The following ARHGEF17 variants were observed in gnomAD, a reference collection of about 807,000 sequenced individuals.
ARHGEF17 encodes the protein Rho guanine nucleotide exchange factor 17.
A neutral mutation model predicts 174.0 loss-of-function variants in ARHGEF17; 80 were observed. The observed-to-expected ratio is 0.46, with a 90% CI of 0.38 to 0.55. The LOEUF is 0.55. Among genes scored for constraint, ARHGEF17 ranks in the 20% least tolerant of loss-of-function variants. The pLI is 0.00. For missense variants in ARHGEF17, 2,886 were observed against 2,839.7 expected (o/e 1.02, Z -0.37); for synonymous variants, 1,311 against 1,189.1 (o/e 1.10, Z -2.11).
chr11:73,327,353 C>T (rs1591730374), intron 1 of ARHGEF17, among the ~76,000 whole-genome samples: 2 of 152,240 alleles, frequency 1.3e-5, no homozygotes, highest in East Asian at 3.8e-4. Context: ...AGGAATCGTC[C>T]TGACTCCTGT....
At position 73,347,654 on chromosome 11, in the gene ARHGEF17, G is replaced by A. The variant is rs563290919; in HGVS notation, c.3270+694G>A. 2.0e-5 allele frequency among the ~76,000 whole-genome samples: 3 copies of A among 152,338 alleles called. No homozygotes were observed. In the South Asian group the frequency reaches 6.2e-4, roughly 32 times the overall value. The stretch of plus-strand genomic sequence containing the variant: ...TGCTGTCGGAGTCGGCAGAGGCCAC[G>A]CTGTGGGGGCCTAGAACACCAGTTG... On this transcript the variant is annotated intron_variant, in intron 2 of 20. Coordinates refer to ENST00000263674, the MANE Select transcript of ARHGEF17 (RefSeq NM_014786.4).
chr11:73,317,174 C>A (rs975519312), intron 1 of ARHGEF17, among the ~76,000 whole-genome samples: 4 of 152,094 alleles, frequency 2.6e-5, no homozygotes, highest in African/African-American at 9.7e-5. Context: ...AGAGTGGAGC[C>A]GCCACAGGGT....
chr11:73,362,305 A>G (rs548619527), intron 13 of ARHGEF17, 66 bp downstream of exon 13: 41 of 1,450,596 alleles, frequency 2.8e-5, no homozygotes, highest in East Asian at 5.0e-5. Flanking sequence ...GTCCCAGCAC[A>G]CTCTCAGGCC....
At chr11:73,318,292 C>G (rs997562986) in intron 1 of ARHGEF17, among the ~76,000 whole-genome samples, 6 of 149,104 alleles carry the variant, frequency 4.0e-5, no homozygotes, top group Non-Finnish European at 8.9e-5. Context: ...GGCTGTGGTG[C>G]TCACTGTGGG....
rs1479871503 is a variant in ARHGEF17, at chr11:73,311,476, C to G, written c.2838C>G (p.Ser946Arg). 2 of 1,613,108 alleles carry G rather than the reference C, an allele frequency of 1.2e-6. No individual in the cohort carries two copies. ...AGGGCAGTCAGGACCAGACTGGCAG[C>G]CTGTCTCGGGCCCGGCCCTCCTCCA... ...RDEGSQDQTG[S>R]LSRARPSSRH... Residue 946 changes from serine (S) to arginine (R), a missense_variant, in exon 1 of 21, where the codon AGC becomes AGG. By Grantham distance (110) the Ser-to-Arg change is moderately radical. Around this residue, in one of 4 missense-constraint regions of ARHGEF17, gnomAD observed 1,728 missense variants for 1,461.2 expected, o/e 1.18. Coordinates refer to ENST00000263674, the MANE Select transcript of ARHGEF17 (RefSeq NM_014786.4).
chr11:73,356,278 G>A lies in ARHGEF17; in HGVS notation c.3767G>A (p.Arg1256Gln), dbSNP rs181690989. The A allele has an allele frequency of 4.0e-5, 65 of 1,613,714 alleles. No individual in the cohort carries two copies. The highest frequency in any genetic ancestry group is 2.9e-4 in the East Asian group (13 of 44,880). The change falls in exon 6 of 21, where the codon CGG (arginine) becomes CAG (glutamine). Residue 1256 changes from arginine (R) to glutamine (Q), a missense_variant. By Grantham distance (43) the Arg-to-Gln change is conservative. This residue lies in a region of ARHGEF17 where 353 missense variants were observed against 470.3 expected (regional missense o/e 0.75). Coordinates refer to ENST00000263674, the MANE Select transcript of ARHGEF17 (RefSeq NM_014786.4). Reference sequence around the variant, plus strand: ...GCTGAGCGCATCAACAAGGGTGTGCGGAGTGCCGAGGAGGCGGAGCGCCAT... The same window carrying A: ...GCTGAGCGCATCAACAAGGGTGTGCAGAGTGCCGAGGAGGCGGAGCGCCAT... ...QVAERINKGVRSAEEAERHAR... is the reference protein window; with the variant it reads ...QVAERINKGVQSAEEAERHAR...
At chr11:73,342,677 T>TGCGTTCA (rs1216240028) in intron 1 of ARHGEF17, among the ~76,000 whole-genome samples, 1 of 152,084 alleles carries the variant, frequency 6.6e-6, no homozygotes, top group Non-Finnish European at 1.5e-5. Flanking sequence ...GGTGGGAAGC[T>TGCGTTCA]GCGTTCAGCG....
intron 1 of ARHGEF17, among the ~76,000 whole-genome samples, chr11:73,336,702 G>C (rs759315826): frequency 6.6e-6 from 1 of 152,182 alleles, no homozygotes; most frequent in Admixed American, 6.5e-5. Flanking sequence ...TCCACTCACT[G>C]CCTGTGTGAC....
At position 73,310,536 on chromosome 11, in the gene ARHGEF17, A is replaced by C; in HGVS notation, c.1898A>C (p.Gln633Pro). 1 of 1,614,030 alleles carries C rather than the reference A, an allele frequency of 6.2e-7. No individual in the cohort carries two copies. Among genetic ancestry groups the C allele is most frequent in the Non-Finnish European group, 8.5e-7 (1 of 1,180,032 alleles). ...GATGTGACCCGAGGGCAGCGGTCCCAGGAGGAGCTCTCAGGCCCTGAGTCC... is the reference window on the plus strand; with the variant it reads ...GATGTGACCCGAGGGCAGCGGTCCCCGGAGGAGCTCTCAGGCCCTGAGTCC... Reference protein sequence around the residue: ...AGDVTRGQRSQEELSGPESSL... With the variant: ...AGDVTRGQRSPEELSGPESSL... Residue 633 changes from glutamine to proline, a missense_variant, in exon 1 of 21, where the codon CAG becomes CCG. By Grantham distance (76) the Gln-to-Pro change is moderately conservative. Around this residue, in one of 4 missense-constraint regions of ARHGEF17, gnomAD observed 1,728 missense variants for 1,461.2 expected, o/e 1.18. Coordinates refer to ENST00000263674, the MANE Select transcript of ARHGEF17 (RefSeq NM_014786.4).
intron 18 of ARHGEF17, chr11:73,364,981 C>T (rs771390555): frequency 2.7e-5 from 8 of 296,190 alleles, no homozygotes; most frequent in East Asian, 7.5e-5. Flanking sequence ...CCAGGGGCAA[C>T]GGGTTCCCTT....
At position 73,308,855 on chromosome 11, in the gene ARHGEF17, C is replaced by T; in HGVS notation, c.217C>T (p.Arg73Cys). The T allele has an allele frequency of 8.2e-6, 11 of 1,345,068 alleles. No individual in the cohort carries two copies. Among genetic ancestry groups the T allele is most frequent in the Non-Finnish European group, 9.5e-6 (10 of 1,055,404 alleles). 83.3% of individuals were successfully genotyped at this position (1,345,068 alleles called of 1,614,324 possible). ...GCCCCTGGCCGCCCCCGCGCAGCCG[C>T]GCCCGCTCCGCAGCCTCTCGCCGTC... is the stretch of plus-strand genomic sequence containing the variant. The part of the protein sequence containing the change: ...SGPLAAPAQP[R>C]PLRSLSPSVR... The change falls in exon 1 of 21, where the codon CGC becomes TGC. Residue 73 changes from arginine to cysteine, a missense_variant. Physicochemically the swap from Arg to Cys is radical, Grantham distance 180 (BLOSUM62 -3). Transcript: ENST00000263674.
At chr11:73,355,484 TG>T in intron 3 of ARHGEF17, 48 bp from the exon 4 acceptor site, 1 of 1,242,590 alleles carries the variant, frequency 8.0e-7, no homozygotes, top group Non-Finnish European at 1.2e-6. Context: ...CAGGGTGAGG[TG>T]GGGTGAGGGA....
At chr11:73,333,437 A>C (rs1287948128) in intron 1 of ARHGEF17, among the ~76,000 whole-genome samples, 2 of 152,252 alleles carry the variant, frequency 1.3e-5, no homozygotes, top group Non-Finnish European at 2.9e-5. Flanking sequence ...TTGGTGGATA[A>C]ATTCAGTAAG....
chr11:73,312,193 C>T (rs1374664533), intron 1 of ARHGEF17, among the ~76,000 whole-genome samples: 3 of 152,144 alleles, frequency 2.0e-5, no homozygotes, highest in African/African-American at 4.8e-5. Context: ...TGGCACCCAG[C>T]GCAGGCTCAG....
intron 8 of ARHGEF17, 37 bp downstream of exon 8, chr11:73,357,171 G>T (rs951653273): frequency 1.2e-6 from 2 of 1,605,100 alleles, no homozygotes; most frequent in Non-Finnish European, 1.7e-6. Context: ...GGTGCCAACA[G>T]GGGGAGCATT....
chr11:73,368,019 CATGTGGGCT>C lies in ARHGEF17; in HGVS notation c.*240_*248del. ...CTTCCAGTCATGATCGGGTGGGGGA[CATGTGGGCT>C]GACCAGGACCTCTGACCCTGGAGCT... On this transcript the variant is annotated 3_prime_UTR_variant, in exon 21 of 21. Coordinates refer to ENST00000263674, the MANE Select transcript of ARHGEF17 (RefSeq NM_014786.4). 2.1e-6 allele frequency: 1 copy of C among 483,758 alleles called. No individual in the cohort carries two copies. Among genetic ancestry groups the C allele is most frequent in the South Asian group, 3.2e-5 (1 of 30,802 alleles). The allele number at this position is 483,758 out of a possible 1,614,324, so 30.0% of individuals were successfully genotyped here.
At chr11:73,358,860 C>G (rs1865690110) in intron 9 of ARHGEF17, among the ~76,000 whole-genome samples, 1 of 152,180 alleles carries the variant, frequency 6.6e-6, no homozygotes, top group Admixed American at 6.5e-5. Context: ...CTGTTCCCAG[C>G]CTCGGCCTGG....
At chr11:73,359,648 A>G (rs1389504241) in intron 9 of ARHGEF17, among the ~76,000 whole-genome samples, 186 bp from the exon 10 acceptor site, 2 of 152,184 alleles carry the variant, frequency 1.3e-5, no homozygotes, top group Non-Finnish European at 2.9e-5. Flanking sequence ...CCCAGCTCAC[A>G]GGGCTGGGGT....
rs763138377 is a variant in ARHGEF17, at chr11:73,365,635, G to A, written c.5726-43G>A. 17 of 1,607,560 alleles carry A rather than the reference G, an allele frequency of 1.1e-5. No homozygotes were observed. Among genetic ancestry groups the A allele is most frequent in the Non-Finnish European group, 6.0e-6 (7 of 1,174,926 alleles). ...CCCGATCGTAGAGGCGGCTGAGCCA[G>A]GGCCAGAATTCAGCCCCAGCTGTGG... On this transcript the variant is annotated intron_variant, in intron 19 of 20. Coordinates refer to ENST00000263674, the MANE Select transcript of ARHGEF17 (RefSeq NM_014786.4). The surrounding 1 kb of genome is among the most constrained non-coding windows in gnomAD (Gnocchi z 4.9).
Sources: allele counts gnomAD v4.1 joint callset (sites outside exome capture counted in the v4.1 genomes callset), GRCh38; gene constraint gnomAD v4.1.1; regional missense constraint gnomAD v4.1.1; non-coding constraint Gnocchi (gnomAD v3.1); transcripts MANE v1.5; gene names NCBI Gene and HGNC (gene_info 2026-07-23, HGNC 2026-07-21).